SMARCD3: variants seen among roughly 807,000 people sequenced by gnomAD.
SMARCD3 encodes SWI/SNF-related matrix-associated actin-dependent regulator of chromatin subfamily D member 3.
A neutral mutation model predicts 58.0 loss-of-function variants in SMARCD3; 14 were observed. That is an observed-to-expected ratio of 0.24 (90% CI 0.16 to 0.38). The LOEUF (loss-of-function observed/expected upper bound fraction) is 0.38, where lower values mean the gene tolerates loss of function less well. SMARCD3 is among the 10% of genes least tolerant of loss of function. The pLI, the probability that SMARCD3 is intolerant of heterozygous loss-of-function variation, is 1.00. For synonymous variants in SMARCD3, 253 were observed against 253.8 expected, an observed-to-expected ratio of 1.00 and a Z score of 0.03; for missense variants, 408 against 636.9, an observed-to-expected ratio of 0.64 and a Z score of 3.87.
chr7:151,253,779 A>G (rs1483218182), intron 2 of SMARCD3, among the ~76,000 whole-genome samples: 1 of 152,152 alleles, frequency 6.6e-6, no homozygotes, highest in African/African-American at 2.4e-5. Flanking sequence ...TGGTGTTTAC[A>G]TGGGATCCTG....
At chr7:151,273,178 A>T (rs772116866) in intron 2 of SMARCD3, among the ~76,000 whole-genome samples, 1 of 152,018 alleles carries the variant, frequency 6.6e-6, no homozygotes, top group Non-Finnish European at 1.5e-5. Context: ...CCACCTTGTC[A>T]CTCTTGGAGC....
chr7:151,247,786 C>T (rs1803342314), intron 1 of SMARCD3, among the ~76,000 whole-genome samples: 1 of 152,148 alleles, frequency 6.6e-6, no homozygotes, highest in African/African-American at 2.4e-5. Flanking sequence ...CAGGACAGTG[C>T]TCCCCTGTCC....
chr7:151,274,159 C>A (rs535104953), intron 2 of SMARCD3, among the ~76,000 whole-genome samples: 4 of 152,246 alleles, frequency 2.6e-5, no homozygotes, highest in Non-Finnish European at 5.9e-5. Context: ...TCTCCAAGGC[C>A]GCAGGCCCTG....
rs1419972888 is a variant in SMARCD3 at position 151,268,079 on chromosome 7, CT to C, written c.39+7034del. On this transcript the variant is annotated intron_variant, in intron 2 of 13. Coordinates refer to the SMARCD3 transcript ENST00000356800. ...GAGAAATGCTGGTTTGTTTTCTGGG[CT>C]GGGGGATAGAAGGGAGGACAGGGGA... Among the ~76,000 whole-genome samples, 9 of 152,192 alleles carry C rather than the reference CT, an allele frequency of 5.9e-5. No individual in the cohort carries two copies. The South Asian group carries it at 1.7e-3, about 28-fold the overall frequency.
rs891180634 is a variant in SMARCD3, at chr7:151,258,383, G to C, written c.40-12712C>G. 1.4e-4 allele frequency among the ~76,000 whole-genome samples: 22 copies of C among 151,956 alleles called. 1 individual carries two copies. The highest frequency in any genetic ancestry group is 1.4e-3 in the Admixed American group (21 of 15,234). Reference sequence around the variant, plus strand: ...AGTTCGAGAGCAGCCTGGCCAACATGGTGAAACCCCGTCTCTACTAAAAAT... The same window carrying C: ...AGTTCGAGAGCAGCCTGGCCAACATCGTGAAACCCCGTCTCTACTAAAAAT... On this transcript the variant is annotated intron_variant, in intron 2 of 13. Coordinates refer to the SMARCD3 transcript ENST00000356800.
At chr7:151,275,327 C>T (rs539458542) in intron 1 of SMARCD3, 2 of 640,644 alleles carry the variant, frequency 3.1e-6, no homozygotes, top group East Asian at 2.8e-5. Flanking sequence ...AAGCCAAACT[C>T]CCCGGAGTGG....
intron 8 of SMARCD3, 187 bp from the exon 9 acceptor site, chr7:151,240,709 G>C: frequency 3.4e-6 from 2 of 591,464 alleles, no homozygotes; most frequent in Non-Finnish European, 6.0e-6. Flanking sequence ...GACAAGATAG[G>C]GGGTGGGTCA....
chr7:151,249,827 G>A (rs1244487897), upstream of SMARCD3, among the ~76,000 whole-genome samples: 1 of 152,004 alleles, frequency 6.6e-6, no homozygotes, highest in Non-Finnish European at 1.5e-5. This position sits in a 1 kb window ranked among gnomAD's most constrained non-coding sequence, Gnocchi z 4.8. Context: ...AGTCCCTGGA[G>A]TGGAGGAGGG....
chr7:151,264,685 C>A (rs1288649878), intron 2 of SMARCD3, among the ~76,000 whole-genome samples: 1 of 152,210 alleles, frequency 6.6e-6, no homozygotes, highest in Non-Finnish European at 1.5e-5. Flanking sequence ...CCATGGAGTT[C>A]TGGGGAGCCC....
intron 1 of SMARCD3, among the ~76,000 whole-genome samples, chr7:151,275,536 A>G (rs917756559): frequency 2.0e-5 from 3 of 152,198 alleles, no homozygotes; most frequent in African/African-American, 7.2e-5. Context: ...GCAGAGCCCA[A>G]GCCCTGACTG....
Position 151,239,377 on chromosome 7 carries a change from G to A in SMARCD3, c.1398+19C>T. The A allele has an allele frequency of 6.3e-7, 1 of 1,585,892 alleles. No homozygotes were observed. Among genetic ancestry groups the A allele is most frequent in the Non-Finnish European group, 8.7e-7 (1 of 1,154,766 alleles). On this transcript the variant is annotated intron_variant, in intron 12 of 12. Transcript: ENST00000262188. This position sits in a 1 kb window ranked among gnomAD's most constrained non-coding sequence, Gnocchi z 7.0. Reference sequence around the variant, plus strand: ...GGAGTTGAGGATGGGGAAGCCTCAGGGCAAGGGTCCCTGCATACCTTGCAG... The same window carrying A: ...GGAGTTGAGGATGGGGAAGCCTCAGAGCAAGGGTCCCTGCATACCTTGCAG...
Position 151,246,210 on chromosome 7 carries a change from GCTC to G in SMARCD3, c.79-542_79-540del. On this transcript the variant is annotated intron_variant, in intron 1 of 12. Transcript: ENST00000262188. The surrounding 1 kb of genome is among the most constrained non-coding windows in gnomAD (Gnocchi z 4.4). Reference sequence around the variant, plus strand: ...TACCCGGCTCCCTGCTCCGACTTCTGCTCCTCCTCCTGCTCCTCCTTCTCAGGC... The same window carrying G: ...TACCCGGCTCCCTGCTCCGACTTCTGCTCCTCCTGCTCCTCCTTCTCAGGC... The G allele has an allele frequency of 6.5e-6, 1 of 153,228 alleles. No homozygotes were observed. The highest frequency in any genetic ancestry group is 1.5e-5 in the Non-Finnish European group (1 of 68,850). 9.5% of individuals were successfully genotyped at this position (153,228 alleles called of 1,614,324 possible).
intron 2 of SMARCD3, among the ~76,000 whole-genome samples, chr7:151,261,051 G>A (rs1803902115): frequency 6.6e-6 from 1 of 152,170 alleles, no homozygotes; most frequent in Non-Finnish European, 1.5e-5. Context: ...GGTGGGCGGT[G>A]GGGAGGCGGC....
Position 151,238,905 on chromosome 7 carries a change from C to A in SMARCD3, c.*198G>T, listed in dbSNP as rs1008596986. On this transcript the variant is annotated 3_prime_UTR_variant, in exon 13 of 13. Coordinates refer to ENST00000262188, the MANE Select transcript of SMARCD3 (RefSeq NM_001003801.2). ...GGAGTCGTCCCGAGGGACCCACTGC[C>A]TCCCCACCTTCTTCCCTTCCCCTTC... The A allele has an allele frequency of 3.5e-6, 4 of 1,133,366 alleles. No individual in the cohort carries two copies. Among genetic ancestry groups the A allele is most frequent in the Admixed American group, 2.1e-5 (1 of 48,030 alleles). The allele number at this position is 1,133,366 out of a possible 1,614,324, so 70.2% of individuals were successfully genotyped here.
chr7:151,245,687 G>T lies in SMARCD3; in HGVS notation c.79-16C>A. 1.2e-6 allele frequency: 1 copy of T among 827,044 alleles called. No homozygotes were observed. The highest frequency in any genetic ancestry group is 1.6e-6 in the Non-Finnish European group (1 of 618,860). 51.2% of individuals were successfully genotyped at this position (827,044 alleles called of 1,614,324 possible). ...TCCCGGGGCGCTGGGGGTGGGCGGGGGTGAAGCAGAAACGGGCGCCCGTGG... is the reference window on the plus strand; with the variant it reads ...TCCCGGGGCGCTGGGGGTGGGCGGGTGTGAAGCAGAAACGGGCGCCCGTGG... On this transcript the variant is annotated splice_polypyrimidine_tract_variant and intron_variant, in intron 1 of 12. Coordinates refer to ENST00000262188, the MANE Select transcript of SMARCD3 (RefSeq NM_001003801.2). The surrounding 1 kb of genome is among the most constrained non-coding windows in gnomAD (Gnocchi z 6.2).
chr7:151,269,304 G>T (rs116135763), intron 2 of SMARCD3, among the ~76,000 whole-genome samples: 1,664 of 152,194 alleles, frequency 0.011, 29 homozygotes, highest in African/African-American at 0.038. Flanking sequence ...GCCCCCACGG[G>T]GGACACCTTC....
chr7:151,274,584 T>C (rs892031572), intron 2 of SMARCD3, among the ~76,000 whole-genome samples: 7 of 152,344 alleles, frequency 4.6e-5, no homozygotes, highest in Middle Eastern at 3.4e-3. Flanking sequence ...GAACCCTGCC[T>C]GGGGCCCTGA....
upstream of SMARCD3, among the ~76,000 whole-genome samples, chr7:151,252,464 C>T (rs760773806): frequency 2.7e-5 from 4 of 150,902 alleles, no homozygotes; most frequent in South Asian, 2.1e-4. Flanking sequence ...AGCGAGAGAA[C>T]GCGAGAGGAG....
At chr7:151,248,964 G>A (rs984213551), upstream of SMARCD3, 3 of 151,834 alleles carry the variant, frequency 2.0e-5, no homozygotes, top group Non-Finnish European at 2.9e-5. This position sits in a 1 kb window ranked among gnomAD's most constrained non-coding sequence, Gnocchi z 6.1. Context: ...CGAAGCCGCC[G>A]AGGCCCGCGG....
Sources: gnomAD v4.1 joint callset for allele counts (sites outside exome capture counted in the v4.1 genomes callset) on GRCh38, gnomAD v4.1.1 for gene constraint, Gnocchi (gnomAD v3.1) non-coding constraint, MANE v1.5 for transcripts, NCBI Gene and HGNC (gene_info 2026-07-23, HGNC 2026-07-21) for gene names.